ELP1: variants seen among roughly 807,000 people sequenced by gnomAD.
ELP1 encodes the protein elongator acetyltransferase complex subunit 1, also known as elongator complex protein 1.
Under a neutral mutation model 183.2 loss-of-function variants are expected in ELP1, and 131 were observed. The ratio of observed to expected loss-of-function variants is 0.72; its 90% CI spans 0.62 to 0.83. ELP1 has a LOEUF of 0.83. ELP1 is among the 40% of genes least tolerant of loss of function. ELP1 has a pLI of 0.00. For synonymous variants in ELP1, 555 were observed against 569.0 expected (o/e 0.98, Z 0.35); for missense variants, 1,550 against 1,594.9 (o/e 0.97, Z 0.48).
chr9:108,901,378 A>G, intron 18 of ELP1, 47 bp downstream of exon 18: 1 of 1,325,840 alleles, frequency 7.5e-7, no homozygotes, highest in Non-Finnish European at 1.1e-6. Flanking sequence ...AGACTCCAAA[A>G]GACATTGGAG....
intron 11 of ELP1, 138 bp from the exon 12 acceptor site, chr9:108,911,318 GTCT>G: frequency 1.1e-6 from 1 of 873,458 alleles, no homozygotes; most frequent in Non-Finnish European, 1.8e-6. Flanking sequence ...TCAGGAACAA[GTCT>G]AAAAACAGTG....
chr9:108,912,260 T>G lies in ELP1; in HGVS notation c.1189+4A>C. On this transcript the variant is annotated splice_donor_region_variant and intron_variant, in intron 11 of 36. Coordinates refer to ENST00000374647, the MANE Select transcript of ELP1 (RefSeq NM_003640.5). ...GCTCATGGACACACTTCCCAGGAGC[T>G]TACTTCCATCAATGACAGCCACATT... is the stretch of plus-strand genomic sequence containing the variant. The G allele has an allele frequency of 1.2e-6, 2 of 1,612,414 alleles. No homozygotes were observed. The highest frequency in any genetic ancestry group is 1.7e-6 in the Non-Finnish European group (2 of 1,178,414).
intron 29 of ELP1, among the ~76,000 whole-genome samples, chr9:108,888,146 C>A (rs62577316): frequency 6.6e-6 from 1 of 152,082 alleles, no homozygotes; most frequent in Non-Finnish European, 1.5e-5. Context: ...GTGAAAGGAG[C>A]CAGATTAAAA....
rs1212268851 is a variant in ELP1, at chr9:108,900,266, T to G, written c.2124A>C (p.Val708=). ...VTVVPQDTKL[V]LQMPRGNLEV... is the part of the protein sequence containing the mutation. ...GTCTGAAAAACCAGCTTACCTGTAA[T>G]ACAAGCTTTGTGTCCTGGGGCACAA... The change falls in exon 19 of 37, where the codon GTA becomes GTC. Residue 708 remains valine (V), a synonymous_variant. Transcript: ENST00000374647. 6.2e-7 allele frequency: 1 copy of G among 1,612,294 alleles called. No individual in the cohort carries two copies.
At chr9:108,918,629 C>T (rs1829535675) in intron 8 of ELP1, among the ~76,000 whole-genome samples, 182 bp downstream of exon 8, 1 of 148,940 alleles carries the variant, frequency 6.7e-6, no homozygotes, top group Non-Finnish European at 1.5e-5. Context: ...GAGTTGAATT[C>T]AGACTTCAGG....
At chr9:108,921,242 C>T (rs1462317614) in intron 6 of ELP1, among the ~76,000 whole-genome samples, 3 of 152,090 alleles carry the variant, frequency 2.0e-5, no homozygotes, top group Admixed American at 6.6e-5. Flanking sequence ...AACCCCATAT[C>T]CATTAGCAGT....
intron 35 of ELP1, 25 bp from the exon 36 acceptor site, chr9:108,874,995 G>C: frequency 6.6e-7 from 1 of 1,504,738 alleles, no homozygotes; most frequent in East Asian, 2.3e-5. Flanking sequence ...GACTGTATCA[G>C]CAAAGATTAT....
chr9:108,924,151 G>A (rs1040622835), intron 5 of ELP1, among the ~76,000 whole-genome samples: 1 of 152,108 alleles, frequency 6.6e-6, no homozygotes, highest in African/African-American at 2.4e-5. Flanking sequence ...GAAATGATGC[G>A]GTTACAGCAG....
At chr9:108,875,076 C>A in intron 35 of ELP1, 106 bp from the exon 36 acceptor site, 2 of 788,524 alleles carry the variant, frequency 2.5e-6, no homozygotes, top group Non-Finnish European at 4.6e-6. Context: ...GTCATTTCTA[C>A]TGGTATGGTG....
chr9:108,875,655 G>A (rs12002774), intron 35 of ELP1: 51,436 of 362,152 alleles, frequency 0.14, 5,338 homozygotes, highest in African/African-American at 0.36. Context: ...AGCACTTTGG[G>A]AGGCCAAGGC....
At chr9:108,873,337 T>C (rs1298568380) in intron 36 of ELP1, among the ~76,000 whole-genome samples, 3 of 152,222 alleles carry the variant, frequency 2.0e-5, no homozygotes, top group African/African-American at 7.2e-5. Flanking sequence ...TACTTAACTA[T>C]TGTTAGCTGG....
At chr9:108,914,867 C>T (rs569434153) in intron 10 of ELP1, among the ~76,000 whole-genome samples, 233 of 152,214 alleles carry the variant, frequency 1.5e-3, no homozygotes, top group Non-Finnish European at 2.3e-3. Context: ...CCTCGTGATC[C>T]GCCCGCCTCG....
chr9:108,906,430 G>A lies in ELP1; in HGVS notation c.1516C>T (p.Leu506Phe), dbSNP rs767487606. The A allele has an allele frequency of 4.3e-6, 7 of 1,614,070 alleles. No individual in the cohort carries two copies. The highest frequency in any genetic ancestry group is 2.2e-5 in the East Asian group (1 of 44,886). Residue 506 changes from leucine (L) to phenylalanine (F), a missense_variant, in exon 14 of 37, where the codon CTC becomes TTC. By Grantham distance (22) the Leu-to-Phe change is conservative. Transcript: ENST00000374647. Reference protein sequence around the residue: ...QDVNPLKLGLLTWIEEDVFLA... With the variant: ...QDVNPLKLGLFTWIEEDVFLA... ...AAGACGTCTTCTTCAATCCAAGTGAGAAGGCCTAGTTTCAGCGGGTTTACA... is the reference window on the plus strand; with the variant it reads ...AAGACGTCTTCTTCAATCCAAGTGAAAAGGCCTAGTTTCAGCGGGTTTACA...
intron 35 of ELP1, among the ~76,000 whole-genome samples, chr9:108,876,670 G>C (rs1383819482): frequency 1.3e-5 from 2 of 151,904 alleles, no homozygotes; most frequent in African/African-American, 4.8e-5. Flanking sequence ...GAACACCAGA[G>C]GGGGAGTACA....
rs1327836381 is a variant in ELP1 at position 108,911,077 on chromosome 9, T to C, written c.1293A>G (p.Ala431=). Residue 431 remains alanine, a synonymous_variant, in exon 12 of 37, where the codon GCA becomes GCG. Coordinates refer to ENST00000374647, the MANE Select transcript of ELP1 (RefSeq NM_003640.5). ...PHPVNQVTFL[A]HPQKSNDLAV... ...CAAGGTCATTACTCTTTTGAGGGTG[T>C]GCTAAGAATGTGACTTGATTCACAG... 1.2e-6 allele frequency: 2 copies of C among 1,613,956 alleles called. No homozygotes were observed. The highest frequency in any genetic ancestry group is 1.7e-6 in the Non-Finnish European group (2 of 1,180,002).
intron 5 of ELP1, among the ~76,000 whole-genome samples, chr9:108,923,863 T>C (rs889429176): frequency 6.6e-6 from 1 of 152,258 alleles, no homozygotes; most frequent in Non-Finnish European, 1.5e-5. Context: ...ACAATAAAGA[T>C]GGTCCTGAAA....
At chr9:108,915,789 T>C (rs908306218) in intron 10 of ELP1, among the ~76,000 whole-genome samples, 8 of 151,962 alleles carry the variant, frequency 5.3e-5, no homozygotes, top group Admixed American at 4.6e-4. Context: ...CGGCCCTTCA[T>C]ATTGTGGATT....
At chr9:108,896,820 AG>A (rs1828568179) in intron 24 of ELP1, 132 bp downstream of exon 24, 3 of 1,063,956 alleles carry the variant, frequency 2.8e-6, no homozygotes, top group East Asian at 4.9e-5. Context: ...AAAACTGACA[AG>A]GGTCTTAAAA....
At chr9:108,877,884 A>T in intron 35 of ELP1, 111 bp downstream of exon 35, 1 of 1,076,968 alleles carries the variant, frequency 9.3e-7, no homozygotes, top group Non-Finnish European at 1.4e-6. Flanking sequence ...TAATTTAACT[A>T]TGGCATCTTA....
Sources: allele counts gnomAD v4.1 joint callset (sites outside exome capture counted in the v4.1 genomes callset), GRCh38; gene constraint gnomAD v4.1.1; transcripts MANE v1.5; gene names NCBI Gene and HGNC (gene_info 2026-07-23, HGNC 2026-07-21).